Variants in PCDHA8 observed in about 807,000 individuals in gnomAD.
PCDHA8 encodes the protein protocadherin alpha 8.
Under a neutral mutation model 61.8 loss-of-function variants are expected in PCDHA8, and 53 were observed. That is an observed-to-expected ratio of 0.86 (90% CI 0.69 to 1.08). The LOEUF (loss-of-function observed/expected upper bound fraction) is 1.08. Among genes scored for constraint, PCDHA8 ranks in the 50% least tolerant of loss-of-function variants. The probability of loss-of-function intolerance (pLI) is 0.00; values close to 1 mark genes in which losing one functional copy is unlikely to be tolerated. For missense variants in PCDHA8, 1,293 were observed against 1,245.0 expected (o/e 1.04, Z -0.58); for synonymous variants, 618 against 556.6 (o/e 1.11, Z -1.55).
At chr5:140,997,399 C>T (rs1453624678) in intron 3 of PCDHA8, among the ~76,000 whole-genome samples, 1 of 152,118 alleles carries the variant, frequency 6.6e-6, no homozygotes, top group Non-Finnish European at 1.5e-5. Flanking sequence ...TAGGCTCTAT[C>T]GTATGGCCTA....
intron 1 of PCDHA8, chr5:140,850,585 A>G (rs1253890726): frequency 6.3e-7 from 1 of 1,598,426 alleles, no homozygotes. Flanking sequence ...GTGGATGTCA[A>G]CGTGTACCTG....
At chr5:140,967,253 C>T in intron 1 of PCDHA8, 4 of 1,613,546 alleles carry the variant, frequency 2.5e-6, no homozygotes, top group South Asian at 1.1e-5. Context: ...ATCGGTGGCG[C>T]CTGGAGCGCG....
intron 3 of PCDHA8, among the ~76,000 whole-genome samples, chr5:140,987,298 G>A (rs2097247103): frequency 6.6e-6 from 1 of 152,086 alleles, no homozygotes; most frequent in South Asian, 2.1e-4. Context: ...AGCCTTCTAT[G>A]TGATACCAAT....
At position 140,841,428 on chromosome 5, in the gene PCDHA8, C is replaced by A. The variant is rs2150315251; in HGVS notation, c.107C>A (p.Pro36His). ...VGSGQLHYSVPEEAKHGTFVG... is the reference protein window; with the variant it reads ...VGSGQLHYSVHEEAKHGTFVG... Reference sequence around the variant, plus strand: ...AGCGGCCAGCTCCACTACTCCGTCCCCGAGGAGGCCAAACACGGCACCTTC... The same window carrying A: ...AGCGGCCAGCTCCACTACTCCGTCCACGAGGAGGCCAAACACGGCACCTTC... Residue 36 changes from proline (P) to histidine (H), a missense_variant, in exon 1 of 4, where the codon CCC (proline) becomes CAC (histidine). By Grantham distance (77) the Pro-to-His change is moderately conservative. Coordinates refer to ENST00000531613, the MANE Select transcript of PCDHA8 (RefSeq NM_018911.3). The A allele has an allele frequency of 7.4e-6, 12 of 1,612,842 alleles. No homozygotes were observed. The highest frequency in any genetic ancestry group is 5.0e-5 in the Admixed American group (3 of 59,990).
In PCDHA8 at chr5:141,011,633, G is replaced by A. The variant is rs988824031; in HGVS notation, c.*1696G>A. ...TTATGGTCCAGCCAAGAGCCATCTC[G>A]TGCCAAGACTTCTGCTGGCAAGGGA... is the stretch of plus-strand genomic sequence containing the variant. On this transcript the variant is annotated 3_prime_UTR_variant, in exon 4 of 4. Transcript: ENST00000531613. The A allele has an allele frequency of 6.5e-6, 1 of 153,624 alleles. No homozygotes were observed. Among genetic ancestry groups the A allele is most frequent in the Non-Finnish European group, 1.5e-5 (1 of 68,022 alleles). The allele number at this position is 153,624 out of a possible 1,614,324, so 9.5% of individuals were successfully genotyped here. A position where few individuals can be genotyped will look rare whatever the true frequency, so the allele number is the denominator to read the frequency against.
At chr5:140,926,972 C>A (rs782504064) in intron 1 of PCDHA8, 2 of 1,609,464 alleles carry the variant, frequency 1.2e-6, no homozygotes. Flanking sequence ...TACTCAGTGC[C>A]GGAGGAGACG....
rs2150364651 is a variant in PCDHA8 at position 140,843,660 on chromosome 5, T to C, written c.2339T>C (p.Leu780Pro). 1 of 1,594,154 alleles carries C rather than the reference T, an allele frequency of 6.3e-7. No homozygotes were observed. The highest frequency in any genetic ancestry group is 8.6e-7 in the Non-Finnish European group (1 of 1,163,790). The change falls in exon 1 of 4, where the codon CTG becomes CCG. Residue 780 changes from leucine (L) to proline (P), a missense_variant. Leu to Pro is a moderately conservative substitution (Grantham distance 98). Coordinates refer to ENST00000531613, the MANE Select transcript of PCDHA8 (RefSeq NM_018911.3). ...TTCAGCCCCTGCCTTCCTCCTGATC[T>C]GGGATCAGTTGATGTAGGCGAAGAG... is the stretch of plus-strand genomic sequence containing the variant. ...MAFSPCLPPD[L>P]GSVDVGEEQD...
intron 1 of PCDHA8, among the ~76,000 whole-genome samples, chr5:140,881,902 A>T (rs2058862295): frequency 6.6e-6 from 1 of 152,262 alleles, no homozygotes; most frequent in African/African-American, 2.4e-5. Flanking sequence ...GTCAGCTAAT[A>T]TAAAATGTTG....
chr5:140,885,727 A>G (rs539866953), intron 1 of PCDHA8, among the ~76,000 whole-genome samples: 1 of 152,308 alleles, frequency 6.6e-6, no homozygotes, highest in South Asian at 2.1e-4. Context: ...TCTCTGTGAA[A>G]TGATATTTCA....
At chr5:140,875,616 C>A (rs2055654644) in intron 1 of PCDHA8, 2 of 1,613,748 alleles carry the variant, frequency 1.2e-6, no homozygotes, top group Admixed American at 1.7e-5. Context: ...TGGGCCGCAT[C>A]GCTCAGGACC....
intron 3 of PCDHA8, among the ~76,000 whole-genome samples, chr5:141,004,902 G>A (rs1554259808): frequency 1.3e-5 from 2 of 152,084 alleles, no homozygotes; most frequent in African/African-American, 4.8e-5. Flanking sequence ...GCTCTGCCAG[G>A]GTGTAAGGAA....
chr5:140,856,178 G>T lies in PCDHA8; in HGVS notation c.2394+12463G>T, dbSNP rs782689818. ...CGAGGAGGCCAGACACGGCACCTTC[G>T]TGGGCCGCATCGCGCAGGACCTGGG... is the stretch of plus-strand genomic sequence containing the variant. On this transcript the variant is annotated intron_variant, in intron 1 of 3. Coordinates refer to ENST00000531613, the MANE Select transcript of PCDHA8 (RefSeq NM_018911.3). 6.3e-6 allele frequency: 10 copies of T among 1,598,138 alleles called. 2 individuals are homozygous for T. Among genetic ancestry groups the T allele is most frequent in the Non-Finnish European group, 8.6e-6 (10 of 1,167,922 alleles).
intron 1 of PCDHA8, chr5:140,884,716 GTTGT>G (rs782735758): frequency 2.8e-5 from 41 of 1,468,898 alleles, no homozygotes; most frequent in Middle Eastern, 3.6e-4. Flanking sequence ...CTTCCTTGCA[GTTGT>G]TTGTTTAAGA....
At chr5:140,914,290 T>A (rs1412561039) in intron 1 of PCDHA8, among the ~76,000 whole-genome samples, 1 of 152,200 alleles carries the variant, frequency 6.6e-6, no homozygotes, top group Non-Finnish European at 1.5e-5. Context: ...AATTGTTATA[T>A]CCTCTTGCTG....
chr5:140,938,309 A>T (rs1379097876), intron 1 of PCDHA8, among the ~76,000 whole-genome samples: 1 of 152,216 alleles, frequency 6.6e-6, no homozygotes, highest in African/African-American at 2.4e-5. Flanking sequence ...AATTCAGTAT[A>T]AAATTGAATA....
At chr5:140,907,938 T>C (rs2073706734) in intron 1 of PCDHA8, among the ~76,000 whole-genome samples, 1 of 152,206 alleles carries the variant, frequency 6.6e-6, no homozygotes, top group African/African-American at 2.4e-5. Flanking sequence ...TCACATACCT[T>C]TTCCCCAAAT....
At chr5:140,857,006 G>A (rs1365266931) in intron 1 of PCDHA8, 2 of 1,595,206 alleles carry the variant, frequency 1.3e-6, no homozygotes, top group East Asian at 2.2e-5. Flanking sequence ...AATTCATGTA[G>A]ATGTTACAGA....
intron 1 of PCDHA8, among the ~76,000 whole-genome samples, chr5:140,952,530 A>T (rs246033): frequency 6.6e-6 from 1 of 151,882 alleles, no homozygotes; most frequent in Non-Finnish European, 1.5e-5. Context: ...ACCTCCTCAG[A>T]CTGGACTTCT....
intron 1 of PCDHA8, chr5:140,857,650 G>C (rs1212312396): frequency 6.3e-7 from 1 of 1,596,628 alleles, no homozygotes; most frequent in Non-Finnish European, 8.6e-7. Flanking sequence ...AGTTCCAGGT[G>C]AGCGCGCGCG....
Sources: gnomAD v4.1 joint callset for allele counts (sites outside exome capture counted in the v4.1 genomes callset) on GRCh38, gnomAD v4.1.1 for gene constraint, MANE v1.5 for transcripts, NCBI Gene and HGNC (gene_info 2026-07-23, HGNC 2026-07-21) for gene names.